The following SCFD2 variants were observed in gnomAD, a reference collection of about 807,000 sequenced individuals.
SCFD2 encodes the protein sec1 family domain containing 2.
In SCFD2, 54 loss-of-function variants were observed where a neutral mutation model predicts 58.9. The observed-to-expected ratio is 0.92, with a 90% CI of 0.74 to 1.15. The LOEUF (loss-of-function observed/expected upper bound fraction) is 1.15. Among genes scored for constraint, SCFD2 ranks in the 50% most tolerant of loss-of-function variants. The probability of loss-of-function intolerance (pLI) is 0.00; values close to 1 mark genes in which losing one functional copy is unlikely to be tolerated. For synonymous variants in SCFD2, 321 were observed against 335.9 expected (o/e 0.96, Z 0.49); for missense variants, 805 against 836.6 (o/e 0.96, Z 0.47).
intron 4 of SCFD2, among the ~76,000 whole-genome samples, chr4:53,196,146 A>C (rs780047167): frequency 6.6e-6 from 1 of 152,114 alleles, no homozygotes; most frequent in Non-Finnish European, 1.5e-5. Flanking sequence ...AAAATCCTTA[A>C]ATGATCATTT....
chr4:52,992,720 C>T (rs1037588447), intron 5 of SCFD2, among the ~76,000 whole-genome samples: 3 of 151,974 alleles, frequency 2.0e-5, no homozygotes, highest in African/African-American at 4.8e-5. Context: ...CCGGCCGCCC[C>T]GTCTGAGAAG....
chr4:52,960,192 C>T (rs1231108574), intron 5 of SCFD2, among the ~76,000 whole-genome samples: 2 of 152,102 alleles, frequency 1.3e-5, no homozygotes, highest in African/African-American at 4.8e-5. Flanking sequence ...AAATAACCCA[C>T]ACCCAGTACC....
intron 5 of SCFD2, among the ~76,000 whole-genome samples, chr4:53,032,326 T>G (rs1421189390): frequency 1.3e-5 from 2 of 152,138 alleles, no homozygotes; most frequent in Non-Finnish European, 2.9e-5. Context: ...TACCAGCCAC[T>G]GCAAAAACAT....
intron 3 of SCFD2, among the ~76,000 whole-genome samples, chr4:53,277,868 C>T (rs1321218687): frequency 6.6e-6 from 1 of 151,424 alleles, no homozygotes; most frequent in Non-Finnish European, 1.5e-5. Flanking sequence ...CTGGCTAACA[C>T]GGTGAAACCC....
At chr4:53,226,977 G>A (rs1347792716) in intron 4 of SCFD2, among the ~76,000 whole-genome samples, 1 of 152,170 alleles carries the variant, frequency 6.6e-6, no homozygotes, top group Non-Finnish European at 1.5e-5. Context: ...CTAATGAGGT[G>A]CATTTCAGCA....
intron 2 of SCFD2, among the ~76,000 whole-genome samples, chr4:53,342,728 T>A (rs1733920857): frequency 6.6e-6 from 1 of 152,120 alleles, no homozygotes; most frequent in African/African-American, 2.4e-5. Context: ...CCTCAGCAAA[T>A]GTAAAAGAAC....
intron 4 of SCFD2, among the ~76,000 whole-genome samples, chr4:53,206,887 T>G (rs1218624732): frequency 6.6e-6 from 1 of 152,098 alleles, no homozygotes; most frequent in Admixed American, 6.6e-5. Flanking sequence ...CTTAGTCCAT[T>G]TTCTGTTGCT....
At chr4:53,329,679 G>A (rs372752328) in intron 2 of SCFD2, among the ~76,000 whole-genome samples, 6 of 152,266 alleles carry the variant, frequency 3.9e-5, no homozygotes, top group South Asian at 2.1e-4. Flanking sequence ...ACTCTAAAAC[G>A]CAGAGCACCT....
At chr4:53,096,501 C>T (rs1261085500) in intron 5 of SCFD2, among the ~76,000 whole-genome samples, 1 of 152,170 alleles carries the variant, frequency 6.6e-6, no homozygotes, top group African/African-American at 2.4e-5. Flanking sequence ...TGTCTGTTGG[C>T]TGCATAAATG....
chr4:53,028,787 G>A (rs1394576711), intron 5 of SCFD2, among the ~76,000 whole-genome samples: 2 of 152,144 alleles, frequency 1.3e-5, no homozygotes, highest in Non-Finnish European at 2.9e-5. Context: ...TTTCAAGCTT[G>A]CCAAACTAAG....
intron 2 of SCFD2, among the ~76,000 whole-genome samples, chr4:53,330,687 C>T (rs1325275479): frequency 3.3e-5 from 5 of 151,912 alleles, no homozygotes; most frequent in Non-Finnish European, 5.9e-5. Context: ...ACTGCATCAA[C>T]TAACGAGCAA....
At chr4:53,243,854 G>A (rs1414612002) in intron 4 of SCFD2, among the ~76,000 whole-genome samples, 1 of 152,138 alleles carries the variant, frequency 6.6e-6, no homozygotes, top group Non-Finnish European at 1.5e-5. Flanking sequence ...CCTAATTTCA[G>A]ACATAACAGA....
intron 5 of SCFD2, among the ~76,000 whole-genome samples, chr4:52,982,448 G>A (rs1721397514): frequency 6.6e-6 from 1 of 152,202 alleles, no homozygotes; most frequent in African/African-American, 2.4e-5. Flanking sequence ...TAAGTAGTCA[G>A]AGATCTGCTT....
intron 1 of SCFD2, among the ~76,000 whole-genome samples, chr4:53,359,710 A>G (rs1360514653): frequency 2.0e-5 from 3 of 152,240 alleles, no homozygotes; most frequent in South Asian, 2.1e-4. Context: ...CAACTACTCC[A>G]TTAAGCTGAT....
intron 4 of SCFD2, among the ~76,000 whole-genome samples, chr4:53,177,418 A>C (rs1388206548): frequency 7.7e-6 from 1 of 129,558 alleles, no homozygotes; most frequent in Non-Finnish European, 1.6e-5. Context: ...GAGAAGGGAG[A>C]GGGTATTAAG....
At chr4:53,297,908 T>G (rs1732100425) in intron 3 of SCFD2, among the ~76,000 whole-genome samples, 1 of 152,210 alleles carries the variant, frequency 6.6e-6, no homozygotes, top group African/African-American at 2.4e-5. Context: ...TCTCCTTCAC[T>G]TATGAAGCCT....
intron 5 of SCFD2, among the ~76,000 whole-genome samples, chr4:53,044,259 C>CCCA (rs1195302400): frequency 1.3e-5 from 2 of 152,258 alleles, no homozygotes; most frequent in South Asian, 2.1e-4. Context: ...CTCTACCTCC[C>CCCA]CAACCCTGCT....
At chr4:53,309,132 C>CA (rs201574256) in intron 3 of SCFD2, among the ~76,000 whole-genome samples, 10,757 of 128,128 alleles carry the variant, frequency 0.084, 414 homozygotes, top group Middle Eastern at 0.16. Flanking sequence ...GACTTCGTCT[C>CA]AAAAAAAAAA....
intron 5 of SCFD2, among the ~76,000 whole-genome samples, chr4:52,963,458 G>A (rs927408926): frequency 1.3e-5 from 2 of 152,128 alleles, no homozygotes; most frequent in African/African-American, 2.4e-5. Flanking sequence ...AGTCGGGTTC[G>A]AAAAGGCAAT....
Sources: allele counts gnomAD v4.1 joint callset (sites outside exome capture counted in the v4.1 genomes callset), GRCh38; gene constraint gnomAD v4.1.1; transcripts MANE v1.5; gene names NCBI Gene and HGNC (gene_info 2026-07-23, HGNC 2026-07-21).